Variants in NCOA5 observed in about 807,000 individuals in gnomAD.
The protein encoded by NCOA5 is NCoA-5.
In NCOA5, 12 loss-of-function variants were observed where a neutral mutation model predicts 59.0. The observed-to-expected ratio is 0.20, with a 90% confidence interval of 0.13 to 0.33. NCOA5 has a LOEUF of 0.33. Among genes scored for constraint, NCOA5 ranks in the 10% least tolerant of loss-of-function variants. The pLI, the probability that NCOA5 is intolerant of heterozygous loss-of-function variation, is 1.00. For synonymous variants in NCOA5, 270 were observed against 275.5 expected (o/e 0.98, Z 0.20); for missense variants, 655 against 766.6 (o/e 0.85, Z 1.72).
chr20:46,072,174 C>T (rs184319019), intron 2 of NCOA5, among the ~76,000 whole-genome samples: 30 of 152,272 alleles, frequency 2.0e-4, no homozygotes, highest in Admixed American at 3.9e-4. Context: ...TGAAGGCCAG[C>T]GCATAATCAT....
chr20:46,062,976 G>T, intron 7 of NCOA5, 87 bp from the exon 8 acceptor site: 1 of 1,102,692 alleles, frequency 9.1e-7, no homozygotes, highest in Non-Finnish European at 1.3e-6. Flanking sequence ...AACAATCACT[G>T]AGTCACATCA....
intron 2 of NCOA5, among the ~76,000 whole-genome samples, chr20:46,072,839 ATGTC>A (rs891718753): frequency 9.2e-5 from 14 of 152,174 alleles, no homozygotes; most frequent in East Asian, 7.7e-4. Flanking sequence ...TATTTACTTA[ATGTC>A]TGTCTGCCCT....
intron 2 of NCOA5, among the ~76,000 whole-genome samples, chr20:46,075,933 G>C (rs1156584014): frequency 6.6e-6 from 1 of 152,182 alleles, no homozygotes; most frequent in African/African-American, 2.4e-5. Context: ...AATATTGTCA[G>C]AATTACACAC....
intron 1 of NCOA5, among the ~76,000 whole-genome samples, chr20:46,087,996 T>C (rs972572661): frequency 7.5e-6 from 1 of 133,308 alleles, no homozygotes; most frequent in Non-Finnish European, 1.7e-5. Context: ...CATATACATA[T>C]ATATATATTT....
Position 46,067,146 on chromosome 20 carries a change from G to A in NCOA5, c.538C>T (p.Leu180Phe), listed in dbSNP as rs1413264172. 1.2e-6 allele frequency: 2 copies of A among 1,614,144 alleles called. No individual in the cohort carries two copies. The highest frequency in any genetic ancestry group is 1.1e-5 in the South Asian group (1 of 91,074). ...ATTTCCTCAAAATATTGACGATAAA[G>A]CTCTTCTCTACGCCGTTCCTCACGT... ...LKREERRREE[L>F]YRQYFEEIQR... Residue 180 changes from leucine to phenylalanine, a missense_variant, in exon 5 of 8, where the codon CTT becomes TTT. Transcript: ENST00000290231.
chr20:46,080,718 AAAT>A lies in NCOA5; in HGVS notation c.-29-1268_-29-1266del, dbSNP rs140614280. ...GAAAAATGGCTTCTGACAAAACTGA[AAAT>A]AATATAAAGCTAAATAGTGAAGTAT... is the stretch of plus-strand genomic sequence containing the variant. On this transcript the variant is annotated intron_variant, in intron 1 of 7. Transcript: ENST00000290231. Among the ~76,000 whole-genome samples, 265 of 152,266 alleles carry A rather than the reference AAAT, an allele frequency of 1.7e-3. 2 individuals are homozygous for A. In the East Asian group the frequency reaches 0.02, roughly 11 times the overall value.
chr20:46,085,847 A>C (rs963504654), intron 1 of NCOA5, among the ~76,000 whole-genome samples: 1 of 152,250 alleles, frequency 6.6e-6, no homozygotes, highest in African/African-American at 2.4e-5. Flanking sequence ...CAAATTAACG[A>C]AACTTTATGT....
intron 1 of NCOA5, among the ~76,000 whole-genome samples, chr20:46,083,297 G>A (rs2085011847): frequency 6.6e-6 from 1 of 152,180 alleles, no homozygotes; most frequent in African/African-American, 2.4e-5. Context: ...AAATAGGCCA[G>A]TTTTAGCCAG....
chr20:46,080,117 T>C (rs2084976504), intron 1 of NCOA5, among the ~76,000 whole-genome samples: 1 of 152,164 alleles, frequency 6.6e-6, no homozygotes, highest in Non-Finnish European at 1.5e-5. Flanking sequence ...GGTTAGGTAA[T>C]AAAACACTCC....
intron 5 of NCOA5, among the ~76,000 whole-genome samples, chr20:46,065,826 G>C (rs1369056908): frequency 6.6e-6 from 1 of 152,168 alleles, no homozygotes; most frequent in Non-Finnish European, 1.5e-5. Flanking sequence ...AGCTCCACCA[G>C]TGGAATGAGG....
intron 1 of NCOA5, among the ~76,000 whole-genome samples, chr20:46,089,229 C>T (rs1418899235): frequency 6.6e-6 from 1 of 152,194 alleles, no homozygotes; most frequent in Non-Finnish European, 1.5e-5. Context: ...AGTTCCTCTC[C>T]CCGTTCTCTG....
At chr20:46,064,220 G>C (rs550104563) in intron 6 of NCOA5, among the ~76,000 whole-genome samples, 5 of 152,326 alleles carry the variant, frequency 3.3e-5, no homozygotes, top group African/African-American at 1.2e-4. Flanking sequence ...GGACTCCTTA[G>C]AACTTTTGTC....
At chr20:46,078,790 AG>A (rs1384876211) in intron 2 of NCOA5, among the ~76,000 whole-genome samples, 1 of 152,224 alleles carries the variant, frequency 6.6e-6, no homozygotes, top group East Asian at 1.9e-4. Flanking sequence ...ATACACCGGA[AG>A]GAAGAATACA....
At chr20:46,063,203 T>A in intron 7 of NCOA5, 157 bp downstream of exon 7, 2 of 686,324 alleles carry the variant, frequency 2.9e-6, no homozygotes, top group Non-Finnish European at 4.8e-6. Context: ...ATTATTAACA[T>A]TATATCAGCA....
At position 46,063,828 on chromosome 20, in the gene NCOA5, G is replaced by A. The variant is rs369631929; in HGVS notation, c.830-148C>T. 9.1e-5 allele frequency: 74 copies of A among 816,528 alleles called. No homozygotes were observed. The South Asian group carries it at 1.3e-3, about 14-fold the overall frequency. 50.6% of individuals were successfully genotyped at this position (816,528 alleles called of 1,614,324 possible). A position where few individuals can be genotyped will look rare whatever the true frequency, so the allele number is the denominator to read the frequency against. ...CTTGAGATTGAGAGTGGGGTGGTGT[G>A]GGGGGAGAGATGAAGGCCAGGAAGG... On this transcript the variant is annotated intron_variant, in intron 6 of 7. Transcript: ENST00000290231.
At chr20:46,083,542 T>C (rs2085014492) in intron 1 of NCOA5, among the ~76,000 whole-genome samples, 1 of 152,244 alleles carries the variant, frequency 6.6e-6, no homozygotes, top group African/African-American at 2.4e-5. Flanking sequence ...TGTGCTGTAA[T>C]TTTGTCTTTT....
chr20:46,063,815 A>G, intron 6 of NCOA5, 135 bp from the exon 7 acceptor site: 1 of 921,462 alleles, frequency 1.1e-6, no homozygotes, highest in Admixed American at 2.7e-5. Context: ...TGAGATTGAG[A>G]GTGGGGTGGT....
chr20:46,079,280 G>A (rs566445774), intron 2 of NCOA5, 107 bp downstream of exon 2: 3 of 1,030,978 alleles, frequency 2.9e-6, no homozygotes, highest in Non-Finnish European at 4.6e-6. Context: ...GTTTGCTTGA[G>A]CGTTTCACTT....
At chr20:46,064,370 G>C (rs1395520629) in intron 6 of NCOA5, among the ~76,000 whole-genome samples, 1 of 152,256 alleles carries the variant, frequency 6.6e-6, no homozygotes, top group South Asian at 2.1e-4. Flanking sequence ...TGCTGTAAGA[G>C]TGAGGAGCAG....
Sources: gnomAD v4.1 joint callset for allele counts (sites outside exome capture counted in the v4.1 genomes callset) on GRCh38, gnomAD v4.1.1 for gene constraint, MANE v1.5 for transcripts, NCBI Gene and HGNC (gene_info 2026-07-23, HGNC 2026-07-21) for gene names.